The following KLRG2 variants were observed in gnomAD, a reference collection of about 807,000 sequenced individuals.
KLRG2 encodes killer cell lectin like receptor G2.
A neutral mutation model predicts 35.4 loss-of-function variants in KLRG2; 39 were observed. The ratio of observed to expected loss-of-function variants is 1.10; its 90% CI spans 0.85 to 1.44. The LOEUF is 1.44. Ranked by LOEUF, KLRG2 falls within the 40% of genes most tolerant of loss-of-function variation. The probability of loss-of-function intolerance (pLI) is 0.00; values close to 1 mark genes in which losing one functional copy is unlikely to be tolerated. For synonymous variants in KLRG2, 283 were observed against 265.8 expected (o/e 1.06, Z -0.63); for missense variants, 632 against 570.9 (o/e 1.11, Z -1.09).
intron 3 of KLRG2, among the ~76,000 whole-genome samples, chr7:139,455,567 T>C (rs1404198239): frequency 1.3e-5 from 2 of 151,448 alleles, no homozygotes; most frequent in Non-Finnish European, 2.9e-5. Flanking sequence ...GTGATCCGCC[T>C]GCCTCGGCCT....
At chr7:139,445,439 G>A in the KLRG2 span, among the ~76,000 whole-genome samples, 3 of 152,020 alleles carry the variant, frequency 2.0e-5, no homozygotes, top group African/African-American at 7.2e-5. Context: ...CGGAGCTTAC[G>A]CATAATCAAG....
chr7:139,428,603 A>G, the KLRG2 span, among the ~76,000 whole-genome samples: 1 of 152,210 alleles, frequency 6.6e-6, no homozygotes, highest in Non-Finnish European at 1.5e-5. Context: ...AGAAAGTTTA[A>G]TTTACTTGAA....
chr7:139,442,423 A>G, the KLRG2 span, among the ~76,000 whole-genome samples: 3 of 152,212 alleles, frequency 2.0e-5, no homozygotes, highest in Admixed American at 6.5e-5. Context: ...TTCAAAGATG[A>G]CTGATAGGCC....
the KLRG2 span, among the ~76,000 whole-genome samples, chr7:139,427,530 TG>T: frequency 1.3e-5 from 2 of 152,222 alleles, no homozygotes; most frequent in African/African-American, 4.8e-5. Context: ...TCTCAAATGC[TG>T]TTCACACCTG....
the KLRG2 span, among the ~76,000 whole-genome samples, chr7:139,430,128 C>G: frequency 6.6e-6 from 1 of 152,186 alleles, no homozygotes; most frequent in Non-Finnish European, 1.5e-5. Context: ...AACTGCCGGG[C>G]GCAATGGCTA....
intron 4 of KLRG2, 115 bp from the exon 5 acceptor site, chr7:139,453,822 G>T: frequency 1.6e-6 from 2 of 1,246,686 alleles, no homozygotes; most frequent in Non-Finnish European, 2.3e-6. Flanking sequence ...GGCACTGAGT[G>T]AGTCACTGCA....
chr7:139,457,151 G>T (rs1022115221), intron 3 of KLRG2, among the ~76,000 whole-genome samples: 2 of 152,202 alleles, frequency 1.3e-5, no homozygotes, highest in Non-Finnish European at 2.9e-5. Flanking sequence ...AGTGGTGAGT[G>T]GACGGAACAG....
At chr7:139,438,705 C>T in the KLRG2 span, among the ~76,000 whole-genome samples, 23 of 139,832 alleles carry the variant, frequency 1.6e-4, no homozygotes, top group Admixed American at 5.8e-4. Context: ...GATGGAGTTT[C>T]GCTCTTGTTG....
chr7:139,466,549 T>A (rs1419131872), intron 3 of KLRG2, among the ~76,000 whole-genome samples: 4 of 152,132 alleles, frequency 2.6e-5, no homozygotes, highest in Non-Finnish European at 5.9e-5. Flanking sequence ...TCCTATTCTT[T>A]ACTTTTATAC....
At chr7:139,430,675 C>T in the KLRG2 span, among the ~76,000 whole-genome samples, 4 of 152,240 alleles carry the variant, frequency 2.6e-5, no homozygotes, top group Middle Eastern at 3.4e-3. Flanking sequence ...ACATTCATAG[C>T]AGCTGTATTC....
At chr7:139,449,382 CAG>C (rs540146056), downstream of KLRG2, among the ~76,000 whole-genome samples, 28 of 152,178 alleles carry the variant, frequency 1.8e-4, no homozygotes, top group South Asian at 5.8e-3. Flanking sequence ...GCCTGGGTGA[CAG>C]AGTGAGGCTC....
At chr7:139,453,866 A>C (rs991561516) in intron 4 of KLRG2, among the ~76,000 whole-genome samples, 159 bp from the exon 5 acceptor site, 1 of 152,124 alleles carries the variant, frequency 6.6e-6, no homozygotes, top group Admixed American at 6.5e-5. Context: ...TGAATCCCCA[A>C]ACCTCCCTGG....
At chr7:139,444,576 AGT>A in the KLRG2 span, among the ~76,000 whole-genome samples, 1 of 152,218 alleles carries the variant, frequency 6.6e-6, no homozygotes, top group Non-Finnish European at 1.5e-5. Context: ...GTGAGGACAC[AGT>A]GAGAGGGTGG....
At chr7:139,445,781 G>GTATGTATATATATATATATATA in the KLRG2 span, among the ~76,000 whole-genome samples, 4 of 98,488 alleles carry the variant, frequency 4.1e-5, no homozygotes, top group African/African-American at 3.1e-4. Context: ...ATATATATAT[G>GTATGTATATATATATATATATA]TATATATATA....
chr7:139,472,781 C>CA (rs1033490400), intron 3 of KLRG2, among the ~76,000 whole-genome samples: 21 of 152,308 alleles, frequency 1.4e-4, no homozygotes, highest in Admixed American at 3.9e-4. Flanking sequence ...TTAGAGACAA[C>CA]AGGTCCTTCT....
At chr7:139,431,013 G>GA in the KLRG2 span, among the ~76,000 whole-genome samples, 10,139 of 92,480 alleles carry the variant, frequency 0.11, 1,357 homozygotes, top group African/African-American at 0.29. Context: ...CCCTGTCTCA[G>GA]AAAAAAAAAA....
the KLRG2 span, among the ~76,000 whole-genome samples, chr7:139,446,620 C>T: frequency 9.2e-5 from 14 of 152,196 alleles, no homozygotes; most frequent in Admixed American, 4.6e-4. Flanking sequence ...GGATTACAGG[C>T]GTGAGCCACC....
intron 3 of KLRG2, among the ~76,000 whole-genome samples, chr7:139,463,528 G>A (rs564809097): frequency 1.3e-5 from 2 of 152,238 alleles, no homozygotes; most frequent in Admixed American, 6.5e-5. Context: ...GCGGCCAGGC[G>A]TTCCTACAGG....
rs1796757304 is a variant in KLRG2 at position 139,471,603 on chromosome 7, G to C, written c.1005+8024C>G. Among the ~76,000 whole-genome samples the C allele has an allele frequency of 5.3e-5, 8 of 152,284 alleles. No individual in the cohort carries two copies. In the South Asian group the frequency reaches 1.7e-3, roughly 32 times the overall value. On this transcript the variant is annotated intron_variant, in intron 3 of 4. Coordinates refer to ENST00000340940, the MANE Select transcript of KLRG2 (RefSeq NM_198508.4). The stretch of plus-strand genomic sequence containing the variant: ...TTGAACCTGGGAGATGGTGGTTGCA[G>C]TGAGCCGAGATCGTGCCACCGCACT...
Sources: allele counts gnomAD v4.1 joint callset (sites outside exome capture counted in the v4.1 genomes callset), GRCh38; gene constraint gnomAD v4.1.1; transcripts MANE v1.5; gene names NCBI Gene and HGNC (gene_info 2026-07-23, HGNC 2026-07-21).